Variants in DPF3 observed in about 807,000 individuals in gnomAD.
DPF3 encodes the protein zinc finger protein DPF3.
Under a neutral mutation model 56.8 loss-of-function variants are expected in DPF3, and 18 were observed. That is an observed-to-expected ratio of 0.32 (90% CI 0.22 to 0.47). DPF3 has a LOEUF of 0.47. Ranked by LOEUF, DPF3 falls within the 20% of genes least tolerant of loss-of-function variation. The pLI, the probability that DPF3 is intolerant of heterozygous loss-of-function variation, is 1.00. For synonymous variants in DPF3, 188 were observed against 180.2 expected (o/e 1.04, Z -0.35); for missense variants, 403 against 488.8 (o/e 0.82, Z 1.65).
intron 8 of DPF3, among the ~76,000 whole-genome samples, chr14:72,658,086 G>A (rs777332791): frequency 6.6e-6 from 1 of 152,104 alleles, no homozygotes; most frequent in Non-Finnish European, 1.5e-5. Context: ...ACTATTTGAT[G>A]GCACAGTAGG....
At chr14:72,689,806 G>A (rs2153572639) in intron 7 of DPF3, among the ~76,000 whole-genome samples, 1 of 152,212 alleles carries the variant, frequency 6.6e-6, no homozygotes, top group East Asian at 1.9e-4. Flanking sequence ...CAGAGAAATT[G>A]GGGGTGGGGG....
intron 8 of DPF3, among the ~76,000 whole-genome samples, chr14:72,672,853 G>T (rs1283585938): frequency 6.6e-6 from 1 of 152,046 alleles, no homozygotes; most frequent in East Asian, 1.9e-4. Flanking sequence ...CTTGCTTCTG[G>T]AAGTAGAGAT....
intron 8 of DPF3, among the ~76,000 whole-genome samples, chr14:72,630,758 T>C (rs547168912): frequency 6.6e-6 from 1 of 152,328 alleles, no homozygotes; most frequent in South Asian, 2.1e-4. Context: ...ACAAAAAACA[T>C]TGACAGCTTT....
chr14:72,870,089 G>A (rs1035287740), intron 1 of DPF3, among the ~76,000 whole-genome samples: 4 of 152,138 alleles, frequency 2.6e-5, no homozygotes, highest in Admixed American at 6.5e-5. Context: ...AATAACATAG[G>A]GGCCTGGTGT....
chr14:72,874,004 A>G (rs1376553579), intron 1 of DPF3, among the ~76,000 whole-genome samples: 2 of 151,560 alleles, frequency 1.3e-5, no homozygotes, highest in Non-Finnish European at 2.9e-5. Context: ...GCACACCAAC[A>G]TGGCACATGT....
At chr14:72,892,418 A>C in intron 1 of DPF3, 1 of 1,480,760 alleles carries the variant, frequency 6.8e-7, no homozygotes, top group Non-Finnish European at 8.9e-7. Flanking sequence ...TGAAGCCAGG[A>C]GCTCCTATCT....
chr14:72,827,692 C>A (rs1035342592), intron 1 of DPF3, among the ~76,000 whole-genome samples: 1 of 151,910 alleles, frequency 6.6e-6, no homozygotes, highest in Non-Finnish European at 1.5e-5. Context: ...GTTGGCCAGG[C>A]TGGTCTCAAA....
At chr14:72,758,555 T>C (rs1244171670) in intron 2 of DPF3, among the ~76,000 whole-genome samples, 2 of 152,068 alleles carry the variant, frequency 1.3e-5, no homozygotes, top group African/African-American at 4.8e-5. Context: ...TTAGCGTTGA[T>C]CCATTTATGC....
intron 1 of DPF3, among the ~76,000 whole-genome samples, chr14:72,793,334 A>G (rs1489287076): frequency 6.6e-6 from 1 of 152,200 alleles, no homozygotes; most frequent in Non-Finnish European, 1.5e-5. Flanking sequence ...GGGAGGGGAG[A>G]GACAGCTGAG....
intron 1 of DPF3, among the ~76,000 whole-genome samples, chr14:72,887,973 A>T (rs1034278589): frequency 6.6e-6 from 1 of 151,448 alleles, no homozygotes; most frequent in Non-Finnish European, 1.5e-5. Flanking sequence ...AACAACAACT[A>T]AAAAAAAACC....
intron 1 of DPF3, among the ~76,000 whole-genome samples, chr14:72,781,302 G>A (rs1055153509): frequency 2.0e-5 from 3 of 152,240 alleles, no homozygotes; most frequent in African/African-American, 7.2e-5. Flanking sequence ...CAAGGCAAAT[G>A]TATGAAGATC....
intron 1 of DPF3, among the ~76,000 whole-genome samples, chr14:72,861,080 C>T (rs1885387579): frequency 6.6e-6 from 1 of 151,046 alleles, no homozygotes; most frequent in Non-Finnish European, 1.5e-5. Context: ...GACACATACA[C>T]ACTTCCTTTC....
intron 2 of DPF3, among the ~76,000 whole-genome samples, chr14:72,755,554 C>T (rs1045679072): frequency 6.6e-6 from 1 of 152,134 alleles, no homozygotes; most frequent in African/African-American, 2.4e-5. Context: ...TAATACCTAC[C>T]TCCTGGGGCT....
chr14:72,768,423 T>C (rs983887089), intron 2 of DPF3, among the ~76,000 whole-genome samples: 15 of 152,184 alleles, frequency 9.9e-5, no homozygotes, highest in Non-Finnish European at 1.8e-4. Flanking sequence ...GTTTTGTATC[T>C]TGATTGTAGA....
chr14:72,692,775 T>G (rs1266760015), intron 7 of DPF3, among the ~76,000 whole-genome samples: 2 of 152,180 alleles, frequency 1.3e-5, no homozygotes. Context: ...AAAAGAGTTG[T>G]AGGTCTGGCA....
chr14:72,672,029 C>CCACACA lies in DPF3; in HGVS notation c.871+2205_871+2210dup, dbSNP rs368797206. On this transcript the variant is annotated intron_variant, in intron 8 of 10. Transcript: ENST00000556509. ...CCACATACATGTGCACGTGTGCACACCACACACACACACACACACACACAC... is the reference window on the plus strand; with the variant it reads ...CCACATACATGTGCACGTGTGCACACCACACACACACACACACACACACACACACAC... Among the ~76,000 whole-genome samples, 1,317 of 145,722 alleles carry CCACACA rather than the reference C, an allele frequency of 9.0e-3. 27 individuals carry two copies. The highest frequency in any genetic ancestry group is 0.032 in the African/African-American group (1,229 of 38,424).
chr14:72,748,589 G>T (rs1297364734), intron 3 of DPF3, among the ~76,000 whole-genome samples: 1 of 152,246 alleles, frequency 6.6e-6, no homozygotes, highest in Non-Finnish European at 1.5e-5. Context: ...TCCAGGGCAT[G>T]TCAAGGGTCT....
intron 1 of DPF3, among the ~76,000 whole-genome samples, chr14:72,824,221 G>C (rs1044809687): frequency 2.0e-5 from 3 of 152,178 alleles, no homozygotes; most frequent in Non-Finnish European, 4.4e-5. Context: ...CCCAGCCCCA[G>C]GGTCAGATGC....
At chr14:72,711,727 C>T (rs556649182) in intron 6 of DPF3, among the ~76,000 whole-genome samples, 56 of 152,156 alleles carry the variant, frequency 3.7e-4, no homozygotes, top group African/African-American at 1.3e-3. Flanking sequence ...GATGCGCAAA[C>T]GACAAGGGGA....
Sources: gnomAD v4.1 joint callset for allele counts (sites outside exome capture counted in the v4.1 genomes callset) on GRCh38, gnomAD v4.1.1 for gene constraint, MANE v1.5 for transcripts, NCBI Gene and HGNC (gene_info 2026-07-23, HGNC 2026-07-21) for gene names.